Variants in SHISAL2B observed in about 807,000 individuals in gnomAD.
SHISAL2B encodes shisa like 2B, also known as protein shisa-like-2B.
In SHISAL2B, 12 loss-of-function variants were observed where a neutral mutation model predicts 16.5. The observed-to-expected ratio is 0.73, with a 90% confidence interval of 0.47 to 1.18. SHISAL2B has a LOEUF of 1.18. SHISAL2B is among the 50% of genes most tolerant of loss of function. The pLI is 0.00. For missense variants in SHISAL2B, 183 were observed against 193.6 expected, an observed-to-expected ratio of 0.95 and a Z score of 0.33; for synonymous variants, 72 against 75.0, an observed-to-expected ratio of 0.96 and a Z score of 0.21.
intron 2 of SHISAL2B, among the ~76,000 whole-genome samples, chr5:64,697,135 C>T (rs536238868): frequency 3.9e-5 from 6 of 152,154 alleles, no homozygotes; most frequent in Admixed American, 1.3e-4. Flanking sequence ...ATAGAAAGAA[C>T]CTATGTTGAA....
chr5:64,690,917 T>G, intron 1 of SHISAL2B, 103 bp downstream of exon 1: 1 of 1,043,678 alleles, frequency 9.6e-7, no homozygotes, highest in Non-Finnish European at 1.3e-6. Flanking sequence ...GCGTCCCCGC[T>G]ATCCGCCCTA....
intron 2 of SHISAL2B, among the ~76,000 whole-genome samples, chr5:64,697,152 G>T (rs1248866773): frequency 6.6e-6 from 1 of 152,136 alleles, no homozygotes; most frequent in Non-Finnish European, 1.5e-5. Flanking sequence ...TGAAATATTG[G>T]GGGTGGGTCA....
intron 2 of SHISAL2B, among the ~76,000 whole-genome samples, chr5:64,711,182 G>A (rs1394059000): frequency 3.3e-5 from 4 of 119,942 alleles, no homozygotes; most frequent in African/African-American, 1.5e-4. Flanking sequence ...GTTTGTCATA[G>A]ATAGCTCTTA....
intron 2 of SHISAL2B, among the ~76,000 whole-genome samples, chr5:64,702,988 A>C (rs1741830109): frequency 6.6e-6 from 1 of 152,202 alleles, no homozygotes; most frequent in Non-Finnish European, 1.5e-5. Flanking sequence ...AGTTTATTTT[A>C]ATATCTGATT....
At chr5:64,700,338 C>T (rs1444588096) in intron 2 of SHISAL2B, among the ~76,000 whole-genome samples, 1 of 152,184 alleles carries the variant, frequency 6.6e-6, no homozygotes, top group Non-Finnish European at 1.5e-5. Flanking sequence ...TACCAAAGTC[C>T]TCAGATGTTC....
chr5:64,704,735 T>G (rs1482602549), intron 2 of SHISAL2B, among the ~76,000 whole-genome samples: 1 of 152,134 alleles, frequency 6.6e-6, no homozygotes, highest in Admixed American at 6.5e-5. Context: ...AATCCCTATT[T>G]TGTTGGTTAA....
At chr5:64,697,113 C>T (rs1741749293) in intron 2 of SHISAL2B, among the ~76,000 whole-genome samples, 1 of 152,214 alleles carries the variant, frequency 6.6e-6, no homozygotes. Context: ...AGCCAGCTGA[C>T]ACTTAGGGAA....
intron 2 of SHISAL2B, among the ~76,000 whole-genome samples, chr5:64,699,441 C>T (rs770607906): frequency 3.9e-5 from 6 of 152,178 alleles, no homozygotes; most frequent in Non-Finnish European, 8.8e-5. Context: ...TGTTCCGTTC[C>T]AATGATTCTA....
At chr5:64,691,877 G>A (rs1027926326) in intron 1 of SHISAL2B, among the ~76,000 whole-genome samples, 1 of 152,120 alleles carries the variant, frequency 6.6e-6, no homozygotes, top group African/African-American at 2.4e-5. Flanking sequence ...GTAAAGTATT[G>A]TGATTATGTC....
Position 64,695,264 on chromosome 5 carries a change from C to CAA in SHISAL2B, c.192-229_192-228dup, listed in dbSNP as rs33996841. On this transcript the variant is annotated intron_variant, in intron 1 of 2. Coordinates refer to ENST00000389074, the MANE Select transcript of SHISAL2B (RefSeq NM_001164442.2). ...TGGGCTTCAGAGTGAGACACCATCT[C>CAA]AAAAAAAAAAAAAAAGTAATGTGTA... Among the ~76,000 whole-genome samples the CAA allele has an allele frequency of 2.1e-3, 280 of 130,530 alleles. 1 individual carries two copies. Among genetic ancestry groups the CAA allele is most frequent in the African/African-American group, 4.0e-3 (145 of 36,428 alleles). 85.6% of individuals were successfully genotyped at this position (130,530 alleles called of 152,430 possible).
chr5:64,694,538 A>T (rs963506379), intron 1 of SHISAL2B, among the ~76,000 whole-genome samples: 4 of 152,244 alleles, frequency 2.6e-5, no homozygotes, highest in African/African-American at 9.6e-5. Context: ...TAACTGCATC[A>T]GACGGAATCA....
chr5:64,700,857 C>G (rs962836117), intron 2 of SHISAL2B, among the ~76,000 whole-genome samples: 2 of 152,166 alleles, frequency 1.3e-5, no homozygotes, highest in Non-Finnish European at 2.9e-5. Flanking sequence ...ATTAGATTCT[C>G]GTAAGGAAAG....
At chr5:64,709,871 C>T (rs1291687887) in intron 2 of SHISAL2B, among the ~76,000 whole-genome samples, 1 of 152,052 alleles carries the variant, frequency 6.6e-6, no homozygotes, top group African/African-American at 2.4e-5. Context: ...CCTTCGCCCA[C>T]TTTTTGATGG....
chr5:64,690,856 G>A (rs1166456031), intron 1 of SHISAL2B, 42 bp downstream of exon 1: 2 of 1,447,390 alleles, frequency 1.4e-6, no homozygotes, highest in African/African-American at 2.9e-5. Context: ...GCCGAGCCCG[G>A]GGCTAGGGAG....
At chr5:64,709,251 T>C (rs1429136063) in intron 2 of SHISAL2B, among the ~76,000 whole-genome samples, 3 of 144,690 alleles carry the variant, frequency 2.1e-5, no homozygotes, top group Non-Finnish European at 4.5e-5. Context: ...TGTGATCTCA[T>C]TGTTCAATTC....
At chr5:64,714,414 C>T (rs1475933270) in intron 2 of SHISAL2B, among the ~76,000 whole-genome samples, 3 of 148,894 alleles carry the variant, frequency 2.0e-5, no homozygotes, top group Non-Finnish European at 2.9e-5. Flanking sequence ...TCTCCAGCTG[C>T]GTGCTGGGAG....
Position 64,690,610 on chromosome 5 carries a change from G to C in SHISAL2B, c.-14G>C. ...ACCGGGGCCCTCGCGAGCCTCTCCC[G>C]GCCCCTGCCCGCGATGAGCGAGGCC... On this transcript the variant is annotated 5_prime_UTR_variant, in exon 1 of 3. Transcript: ENST00000389074. The C allele has an allele frequency of 6.8e-7, 1 of 1,466,424 alleles. No individual in the cohort carries two copies. Among genetic ancestry groups the C allele is most frequent in the Non-Finnish European group, 9.0e-7 (1 of 1,106,890 alleles). 90.8% of individuals were successfully genotyped at this position (1,466,424 alleles called of 1,614,324 possible).
intron 2 of SHISAL2B, among the ~76,000 whole-genome samples, chr5:64,698,567 AG>A (rs1355647973): frequency 6.6e-6 from 1 of 152,158 alleles, no homozygotes; most frequent in East Asian, 1.9e-4. Flanking sequence ...TTTACTCAAA[AG>A]TTACCTTCCC....
chr5:64,702,251 A>G (rs1264849201), intron 2 of SHISAL2B, among the ~76,000 whole-genome samples: 1 of 151,316 alleles, frequency 6.6e-6, no homozygotes, highest in Non-Finnish European at 1.5e-5. Context: ...GCCAGGCTGG[A>G]GTGCAATGGT....
Sources: gnomAD v4.1 joint callset for allele counts (sites outside exome capture counted in the v4.1 genomes callset) on GRCh38, gnomAD v4.1.1 for gene constraint, MANE v1.5 for transcripts, NCBI Gene and HGNC (gene_info 2026-07-23, HGNC 2026-07-21) for gene names.